Variants in MATN1 observed in about 807,000 individuals in gnomAD.
MATN1 encodes the protein matrilin-1.
Under a neutral mutation model 41.3 loss-of-function variants are expected in MATN1, and 34 were observed. The ratio of observed to expected loss-of-function variants is 0.82; its 90% CI spans 0.63 to 1.10. The LOEUF (loss-of-function observed/expected upper bound fraction) is 1.10. Ranked by LOEUF, MATN1 falls within the 50% of genes least tolerant of loss-of-function variation. The probability of loss-of-function intolerance (pLI) is 0.00; values close to 1 mark genes in which losing one functional copy is unlikely to be tolerated. For synonymous variants in MATN1, 264 were observed against 278.7 expected, an observed-to-expected ratio of 0.95 and a Z score of 0.53; for missense variants, 602 against 662.4, an observed-to-expected ratio of 0.91 and a Z score of 1.00.
intron 3 of MATN1, 93 bp downstream of exon 3, chr1:30,718,642 C>G: frequency 1.3e-6 from 1 of 785,812 alleles, no homozygotes; most frequent in South Asian, 2.3e-5. Flanking sequence ...CCGTCTGCGC[C>G]TCAGCCTCGG....
At chr1:30,718,455 C>A in intron 3 of MATN1, 1 of 186,126 alleles carries the variant, frequency 5.4e-6, no homozygotes, top group South Asian at 1.4e-4. Flanking sequence ...GCCGCTCTCT[C>A]CGTCTCCGCC....
rs115046938 is a variant in MATN1 at position 30,713,704 on chromosome 1, C to T, written c.1442-73G>A. On this transcript the variant is annotated intron_variant, in intron 7 of 7. Coordinates refer to ENST00000373765, the MANE Select transcript of MATN1 (RefSeq NM_002379.3). ...GGATGGCTGTGGCCCTGCACTCAGGCCCCTGCAACACCCCACTACAGCGTG... is the reference window on the plus strand; with the variant it reads ...GGATGGCTGTGGCCCTGCACTCAGGTCCCTGCAACACCCCACTACAGCGTG... The T allele has an allele frequency of 1.2e-3, 1,372 of 1,169,546 alleles. 19 individuals are homozygous for T. The African/African-American group carries it at 0.019, about 16-fold the overall frequency. 72.4% of individuals were successfully genotyped at this position (1,169,546 alleles called of 1,614,324 possible).
At chr1:30,716,409 C>A in intron 4 of MATN1, 84 bp from the exon 5 acceptor site, 1 of 1,373,450 alleles carries the variant, frequency 7.3e-7, no homozygotes, top group Non-Finnish European at 1.0e-6. Flanking sequence ...CACCACACAC[C>A]AAGCTCTGTG....
chr1:30,723,405 G>C (rs889217426), intron 1 of MATN1, 53 bp downstream of exon 1: 1 of 1,351,228 alleles, frequency 7.4e-7, no homozygotes. Flanking sequence ...CCCCAGTGCT[G>C]AGGGTCAGGG....
At chr1:30,722,601 G>A (rs1220216392) in intron 1 of MATN1, among the ~76,000 whole-genome samples, 2 of 152,242 alleles carry the variant, frequency 1.3e-5, no homozygotes, top group East Asian at 1.9e-4. Flanking sequence ...CCAGTGGAGA[G>A]AATAAGGCTA....
In MATN1 at chr1:30,718,776, A is replaced by G; in HGVS notation, c.623T>C (p.Val208Ala). 1 of 1,603,580 alleles carries G rather than the reference A, an allele frequency of 6.2e-7. No individual in the cohort carries two copies. Residue 208 changes from valine to alanine, a missense_variant, in exon 3 of 8, where the codon GTC becomes GCC. Val to Ala is a moderately conservative substitution (Grantham distance 64, BLOSUM62 0). Coordinates refer to ENST00000373765, the MANE Select transcript of MATN1 (RefSeq NM_002379.3). The part of the protein sequence containing the change: ...EHVDYVESYS[V>A]IEKLSRKFQE... ...GAACTTCCTGGACAGCTTCTCGATG[A>G]CGCTGTAGCTCTCCACGTAATCGAC...
rs752243278 is a variant in MATN1, at chr1:30,714,288, T to C, written c.1400A>G (p.Gln467Arg). 1 of 1,611,424 alleles carries C rather than the reference T, an allele frequency of 6.2e-7. No homozygotes were observed. The highest frequency in any genetic ancestry group is 1.7e-4 in the Middle Eastern group (1 of 6,060). The part of the protein sequence containing the change: ...PCACESLVKF[Q>R]AKVEGLLQAL... ...CTGCAGCAGCCCCTCCACTTTGGCT[T>C]GGAATTTCACCAGGGACTCGCAGGC... Residue 467 changes from glutamine (Q) to arginine (R), a missense_variant, in exon 7 of 8, where the codon CAA becomes CGA. By Grantham distance (43) the Gln-to-Arg change is conservative. Transcript: ENST00000373765.
At chr1:30,713,744 T>C in intron 7 of MATN1, 113 bp from the exon 8 acceptor site, 1 of 805,418 alleles carries the variant, frequency 1.2e-6, no homozygotes, top group Non-Finnish European at 2.1e-6. Flanking sequence ...CTCCCCTCTG[T>C]CAGAACTTAT....
chr1:30,711,682 G>A lies in MATN1; in HGVS notation c.*1900C>T, dbSNP rs1188396. 0.54 allele frequency: 82,386 copies of A among 152,232 alleles called. 23,218 individuals carry two copies. Among genetic ancestry groups the A allele is most frequent in the African/African-American group, 0.7 (29,056 of 41,468 alleles). 9.4% of individuals were successfully genotyped at this position (152,232 alleles called of 1,614,324 possible). A position where few individuals can be genotyped will look rare whatever the true frequency, so the allele number is the denominator to read the frequency against. On this transcript the variant is annotated 3_prime_UTR_variant, in exon 8 of 8. Transcript: ENST00000373765. ...TCAGGGACATCTGTTGCTTCTGCCC[G>A]CCAGCTCCCAGGCCATGGCGTCCGC...
Position 30,712,560 on chromosome 1 carries a change from A to G in MATN1, c.*1022T>C. The G allele has an allele frequency of 6.6e-6, 1 of 152,482 alleles. No individual in the cohort carries two copies. Among genetic ancestry groups the G allele is most frequent in the Non-Finnish European group, 1.5e-5 (1 of 68,168 alleles). The allele number at this position is 152,482 out of a possible 1,614,324, so 9.4% of individuals were successfully genotyped here. ...CTCACCCCGTGGGCTCCCAGGTATCAAGAGGAGGCACAAACCCCTGGTACG... is the reference window on the plus strand; with the variant it reads ...CTCACCCCGTGGGCTCCCAGGTATCGAGAGGAGGCACAAACCCCTGGTACG... On this transcript the variant is annotated 3_prime_UTR_variant, in exon 8 of 8. Coordinates refer to ENST00000373765, the MANE Select transcript of MATN1 (RefSeq NM_002379.3).
intron 7 of MATN1, chr1:30,713,836 G>A (rs1391796060): frequency 1.6e-6 from 1 of 616,382 alleles, no homozygotes; most frequent in Non-Finnish European, 2.9e-6. Context: ...CTGCTCAGTT[G>A]CAGATTTAGA....
intron 3 of MATN1, chr1:30,718,523 C>A: frequency 2.7e-6 from 1 of 368,762 alleles, no homozygotes; most frequent in Non-Finnish European, 4.7e-6. Flanking sequence ...TCTCCGCCTC[C>A]GCCCCCGGCT....
Position 30,712,805 on chromosome 1 carries a change from T to C in MATN1, c.*777A>G, listed in dbSNP as rs2124149336. The stretch of plus-strand genomic sequence containing the variant: ...GAGTCCTATCTGGTGTCATTGCCCT[T>C]TTTCTCTGAAGCCTTTTTCTTTTGA... On this transcript the variant is annotated 3_prime_UTR_variant, in exon 8 of 8. Transcript: ENST00000373765. 6.6e-6 allele frequency: 1 copy of C among 152,380 alleles called. No homozygotes were observed. Among genetic ancestry groups the C allele is most frequent in the Non-Finnish European group, 1.5e-5 (1 of 68,086 alleles). 9.4% of individuals were successfully genotyped at this position (152,380 alleles called of 1,614,324 possible).
Position 30,718,865 on chromosome 1 carries a change from G to T in MATN1, c.534C>A (p.Ile178=). Residue 178 remains isoleucine (I), a synonymous_variant, in exon 3 of 8, where the codon ATC becomes ATA. Coordinates refer to ENST00000373765, the MANE Select transcript of MATN1 (RefSeq NM_002379.3). ...ARASGVELFA[I]GVGSVDKATL... ...TGGCCTTGTCCACGCTGCCCACTCC[G>T]ATGGCGAACAGCTCGACGCCGCTGG... 6.2e-7 allele frequency: 1 copy of T among 1,605,942 alleles called. No homozygotes were observed.
chr1:30,723,408 G>A (rs45601237), intron 1 of MATN1, 50 bp downstream of exon 1: 424,507 of 1,367,674 alleles, frequency 0.31, 70,111 homozygotes, highest in South Asian at 0.41. Context: ...CAGTGCTGAG[G>A]GTCAGGGCCC....
chr1:30,718,680 G>A lies in MATN1; in HGVS notation c.664+55C>T, dbSNP rs546046334. The A allele has an allele frequency of 1.7e-4, 153 of 900,824 alleles. 1 individual carries two copies. The African/African-American group carries it at 3.2e-3, about 19-fold the overall frequency. The allele number at this position is 900,824 out of a possible 1,614,324, so 55.8% of individuals were successfully genotyped here. On this transcript the variant is annotated intron_variant, in intron 3 of 7. Transcript: ENST00000373765. The stretch of plus-strand genomic sequence containing the variant: ...CCGCCTCCAGCCCTGGCCCCGCCCC[G>A]CCGCTCTCCCCTTCTCCGCCCCTGC...
chr1:30,711,505 G>A lies in MATN1; in HGVS notation c.*2077C>T, dbSNP rs752880333. On this transcript the variant is annotated 3_prime_UTR_variant, in exon 8 of 8. Coordinates refer to ENST00000373765, the MANE Select transcript of MATN1 (RefSeq NM_002379.3). Reference sequence around the variant, plus strand: ...TGGGGAGAACTGCGATGAGTGAAGGGCAAGAGTTTGGGATTGAAAGATCCC... The same window carrying A: ...TGGGGAGAACTGCGATGAGTGAAGGACAAGAGTTTGGGATTGAAAGATCCC... The A allele has an allele frequency of 8.5e-5, 13 of 152,178 alleles. No individual in the cohort carries two copies. The highest frequency in any genetic ancestry group is 2.9e-4 in the African/African-American group (12 of 41,428). 9.4% of individuals were successfully genotyped at this position (152,178 alleles called of 1,614,324 possible). A position where few individuals can be genotyped will look rare whatever the true frequency, so the allele number is the denominator to read the frequency against.
chr1:30,712,268 G>A lies in MATN1; in HGVS notation c.*1314C>T, dbSNP rs1639555748. On this transcript the variant is annotated 3_prime_UTR_variant, in exon 8 of 8. Coordinates refer to ENST00000373765, the MANE Select transcript of MATN1 (RefSeq NM_002379.3). ...AGCAGCACTGGTCCAACAGGGGCCT[G>A]GGGGAGGTGGCCGAGATCTCAGGGT... is the stretch of plus-strand genomic sequence containing the variant. 1 of 152,286 alleles carries A rather than the reference G, an allele frequency of 6.6e-6. No individual in the cohort carries two copies. Among genetic ancestry groups the A allele is most frequent in the East Asian group, 1.9e-4 (1 of 5,192 alleles). 9.4% of individuals were successfully genotyped at this position (152,286 alleles called of 1,614,324 possible).
intron 5 of MATN1, among the ~76,000 whole-genome samples, chr1:30,715,524 A>G (rs1369576955): frequency 6.6e-6 from 1 of 152,210 alleles, no homozygotes; most frequent in Non-Finnish European, 1.5e-5. Flanking sequence ...CCTGTACTGG[A>G]AGCTTTGTAC....
Sources: gnomAD v4.1 joint callset for allele counts (sites outside exome capture counted in the v4.1 genomes callset) on GRCh38, gnomAD v4.1.1 for gene constraint, MANE v1.5 for transcripts, NCBI Gene and HGNC (gene_info 2026-07-23, HGNC 2026-07-21) for gene names.